The following CDH3 variants were observed in gnomAD, a reference collection of about 807,000 sequenced individuals.
CDH3 encodes the protein cadherin-3.
Under a neutral mutation model 82.0 loss-of-function variants are expected in CDH3, and 54 were observed. The ratio of observed to expected loss-of-function variants is 0.66; its 90% CI spans 0.53 to 0.83. CDH3 has a LOEUF of 0.83. Ranked by LOEUF, CDH3 falls within the 40% of genes least tolerant of loss-of-function variation. The pLI is 0.00. For missense variants in CDH3, 1,054 were observed against 1,084.6 expected (o/e 0.97, Z 0.40); for synonymous variants, 446 against 437.9 (o/e 1.02, Z -0.23).
intron 2 of CDH3, among the ~76,000 whole-genome samples, chr16:68,667,735 C>A (rs1733842658): frequency 6.6e-6 from 1 of 152,128 alleles, no homozygotes; most frequent in African/African-American, 2.4e-5. Context: ...ACTCTTCTTG[C>A]CCAAGTTTTA....
At chr16:68,732,917 A>G in the CDH3 span, among the ~76,000 whole-genome samples, 8 of 142,018 alleles carry the variant, frequency 5.6e-5, no homozygotes, top group South Asian at 2.0e-3. Context: ...TTTCTCCAGT[A>G]GATGCAAGAG....
chr16:68,715,760 G>A (rs8059194), intron 1 of CDH3, among the ~76,000 whole-genome samples: 84,685 of 151,996 alleles, frequency 0.56, 23,926 homozygotes, highest in Middle Eastern at 0.62. Flanking sequence ...CTGGAGTAGC[G>A]TAAGAAACAA....
chr16:68,670,462 T>G (rs1960857837), intron 2 of CDH3, among the ~76,000 whole-genome samples: 1 of 152,020 alleles, frequency 6.6e-6, no homozygotes, highest in African/African-American at 2.4e-5. Context: ...CATTCCCGGT[T>G]GGGGTTTATT....
At chr16:68,657,948 G>A (rs557569081) in intron 2 of CDH3, among the ~76,000 whole-genome samples, 3 of 152,138 alleles carry the variant, frequency 2.0e-5, no homozygotes, top group African/African-American at 4.8e-5. Context: ...TTAGGAAGTC[G>A]TTGATCCCCA....
chr16:68,650,954 AGAAGAGG>A, intron 2 of CDH3: 1 of 197,644 alleles, frequency 5.1e-6, no homozygotes, highest in Non-Finnish European at 1.0e-5. Flanking sequence ...AAAAAAAAAA[AGAAGAGG>A]AAAACGTAGA....
At chr16:68,723,359 A>C (rs1357648716) in intron 2 of CDH3, among the ~76,000 whole-genome samples, 3 of 150,468 alleles carry the variant, frequency 2.0e-5, no homozygotes, top group African/African-American at 7.5e-5. Context: ...CTAAATACTG[A>C]AAAGCAATAA....
intron 11 of CDH3, among the ~76,000 whole-genome samples, chr16:68,686,994 A>G (rs3114403): frequency 0.9 from 136,284 of 152,228 alleles, 61,351 homozygotes; most frequent in African/African-American, 0.98. Flanking sequence ...AGCATTAGGA[A>G]AGTCCCTTCA....
At chr16:68,719,481 T>C (rs1443310521) in intron 1 of CDH3, among the ~76,000 whole-genome samples, 3 of 150,982 alleles carry the variant, frequency 2.0e-5, no homozygotes, top group Non-Finnish European at 4.4e-5. Context: ...CAGGGGGATT[T>C]TTTGGCATGA....
chr16:68,688,712 C>T (rs899577109), intron 12 of CDH3, among the ~76,000 whole-genome samples: 23 of 152,210 alleles, frequency 1.5e-4, no homozygotes, highest in Non-Finnish European at 2.6e-4. Flanking sequence ...CTGCAACCTC[C>T]GCTTCCCGGG....
Position 68,652,763 on chromosome 16 carries a change from A to T in CDH3, c.160+7013A>T, listed in dbSNP as rs570319613. Reference sequence around the variant, plus strand: ...ATAACCACTCTTCTGACTTCTGAGTACCACAGGTGAATTTGCCTGCATTTG... The same window carrying T: ...ATAACCACTCTTCTGACTTCTGAGTTCCACAGGTGAATTTGCCTGCATTTG... On this transcript the variant is annotated intron_variant, in intron 2 of 15. Transcript: ENST00000264012. 7.2e-5 allele frequency among the ~76,000 whole-genome samples: 11 copies of T among 152,312 alleles called. No individual in the cohort carries two copies. In the East Asian group the frequency reaches 1.7e-3, roughly 24 times the overall value.
intron 2 of CDH3, among the ~76,000 whole-genome samples, chr16:68,723,560 G>A (rs1901151058): frequency 1.3e-5 from 2 of 152,206 alleles, no homozygotes. Context: ...GAGAGTTAGA[G>A]AAGGAAATAA....
At chr16:68,664,892 C>T (rs1960692959) in intron 2 of CDH3, among the ~76,000 whole-genome samples, 3 of 152,176 alleles carry the variant, frequency 2.0e-5, no homozygotes, top group African/African-American at 7.2e-5. Flanking sequence ...TTAAGTGACC[C>T]ACCCGCCTTG....
chr16:68,728,456 G>T (rs561350063), downstream of CDH3, among the ~76,000 whole-genome samples: 1 of 151,878 alleles, frequency 6.6e-6, no homozygotes, highest in Non-Finnish European at 1.5e-5. Context: ...GTGAGCCACC[G>T]CGCCTGGCCT....
At chr16:68,730,807 G>A (rs1273977482), downstream of CDH3, among the ~76,000 whole-genome samples, 2 of 151,216 alleles carry the variant, frequency 1.3e-5, no homozygotes, top group African/African-American at 4.9e-5. Context: ...GATCACCTGA[G>A]GTCGGGAGTT....
intron 1 of CDH3, among the ~76,000 whole-genome samples, chr16:68,714,471 T>C (rs1250961958): frequency 6.6e-6 from 1 of 152,216 alleles, no homozygotes; most frequent in African/African-American, 2.4e-5. Context: ...AGCAGCTTAG[T>C]TCCTGCCAAA....
chr16:68,685,263 G>A lies in CDH3; in HGVS notation c.1483G>A (p.Val495Ile), dbSNP rs1419713382. ...WLAMDPDSGQ[V>I]TAVGTLDRED... ...AGCCATGGACCCAGACAGTGGGCAG[G>A]TCACAGCTGTGGGCACCCTCGACCG... The change falls in exon 11 of 16, where the codon GTC becomes ATC. Residue 495 changes from valine to isoleucine, a missense_variant. Physicochemically the swap from Val to Ile is conservative, Grantham distance 29. Coordinates refer to ENST00000264012, the MANE Select transcript of CDH3 (RefSeq NM_001793.6). 2 of 1,614,150 alleles carry A rather than the reference G, an allele frequency of 1.2e-6. No homozygotes were observed. The highest frequency in any genetic ancestry group is 1.7e-6 in the Non-Finnish European group (2 of 1,180,026).
At chr16:68,713,658 G>C (rs1241742424) in intron 1 of CDH3, among the ~76,000 whole-genome samples, 1 of 152,028 alleles carries the variant, frequency 6.6e-6, no homozygotes, top group Non-Finnish European at 1.5e-5. Context: ...CTTCCGTTCT[G>C]TTCCCATGAC....
downstream of CDH3, among the ~76,000 whole-genome samples, chr16:68,703,302 CCTCA>C (rs949123204): frequency 7.2e-5 from 11 of 152,256 alleles, no homozygotes; most frequent in East Asian, 7.7e-4. Flanking sequence ...TAGGCATGGA[CCTCA>C]CTCACTCACT....
Position 68,695,797 on chromosome 16 carries a change from C to CA in CDH3, c.2154_2155insA (p.His719ThrfsTer15). The CA allele has an allele frequency of 3.7e-6, 6 of 1,614,160 alleles. No individual in the cohort carries two copies. Among genetic ancestry groups the CA allele is most frequent in the Non-Finnish European group, 5.1e-6 (6 of 1,180,036 alleles). ...CACAGGACTATGACATCACCCAGCT[C>CA]CACCGAGGTCTGGAGGCCAGGCCGG... On this transcript the variant is annotated frameshift_variant, in exon 15 of 16. Transcript: ENST00000264012. LOFTEE classifies it high-confidence loss of function.
Sources: gnomAD v4.1 joint callset for allele counts (sites outside exome capture counted in the v4.1 genomes callset) on GRCh38, gnomAD v4.1.1 for gene constraint, MANE v1.5 for transcripts, NCBI Gene and HGNC (gene_info 2026-07-23, HGNC 2026-07-21) for gene names.